Variants in PFDN4 observed in about 807,000 individuals in gnomAD.
PFDN4 encodes the protein prefoldin subunit 4.
PFDN4 carries 6 observed loss-of-function variants against 17.6 expected under a neutral mutation model. That is an observed-to-expected ratio of 0.34 (90% CI 0.19 to 0.67). The LOEUF is 0.67. Ranked by LOEUF, PFDN4 falls within the 30% of genes least tolerant of loss-of-function variation. The probability of loss-of-function intolerance (pLI) is 0.68; values close to 1 mark genes in which losing one functional copy is unlikely to be tolerated. For synonymous variants in PFDN4, 48 were observed against 51.1 expected (o/e 0.94, Z 0.26); for missense variants, 119 against 158.4 (o/e 0.75, Z 1.33).
At chr20:54,218,918 G>C in intron 3 of PFDN4, 101 bp from the exon 4 acceptor site, 1 of 720,418 alleles carries the variant, frequency 1.4e-6, no homozygotes. Context: ...TCCAAGTTTA[G>C]AAGGTTCTTG....
chr20:54,209,456 A>G (rs2092752863), intron 1 of PFDN4, among the ~76,000 whole-genome samples: 1 of 152,210 alleles, frequency 6.6e-6, no homozygotes, highest in African/African-American at 2.4e-5. Flanking sequence ...CAGCCAACTC[A>G]GGATGTGTTG....
intron 3 of PFDN4, among the ~76,000 whole-genome samples, chr20:54,217,092 T>C (rs1409442495): frequency 6.6e-6 from 1 of 151,954 alleles, no homozygotes; most frequent in Admixed American, 6.6e-5. Flanking sequence ...ATGGAGCATA[T>C]AGTCTAGATG....
chr20:54,210,628 C>T (rs1272127255), intron 1 of PFDN4, among the ~76,000 whole-genome samples: 2 of 152,208 alleles, frequency 1.3e-5, no homozygotes, highest in Non-Finnish European at 2.9e-5. Flanking sequence ...GATTTCTGTT[C>T]ATTATCCTAT....
At chr20:54,209,166 CCTT>C (rs1049121962) in intron 1 of PFDN4, among the ~76,000 whole-genome samples, 13 of 152,232 alleles carry the variant, frequency 8.5e-5, no homozygotes, top group Admixed American at 5.9e-4. Flanking sequence ...CTGTTTTTAT[CCTT>C]ATTTAACAAT....
intron 2 of PFDN4, among the ~76,000 whole-genome samples, chr20:54,214,758 C>G (rs113330781): frequency 6.6e-6 from 1 of 152,286 alleles, no homozygotes; most frequent in African/African-American, 2.4e-5. Flanking sequence ...AATGAGGAAG[C>G]CACCCTTGCA....
rs147757924 is a variant in PFDN4 at position 54,214,931 on chromosome 20, G to T, written c.133-369G>T. On this transcript the variant is annotated intron_variant, in intron 2 of 3. Transcript: ENST00000371419. Reference sequence around the variant, plus strand: ...CATGCTGGCAGAACTTTCATTACCCGCATGATTTACTTACACCCTATCAGC... The same window carrying T: ...CATGCTGGCAGAACTTTCATTACCCTCATGATTTACTTACACCCTATCAGC... Among the ~76,000 whole-genome samples the T allele has an allele frequency of 1.5e-3, 234 of 152,296 alleles. No homozygotes were observed. In the East Asian group the frequency reaches 0.025, roughly 16 times the overall value.
Position 54,218,193 on chromosome 20 carries a change from A to T in PFDN4, c.274-826A>T, listed in dbSNP as rs867297026. ...CTTAATGGCTTTTTTTTTTTTTTTT[A>T]AAACAAAGAGTATATGTTAAAATTT... On this transcript the variant is annotated intron_variant, in intron 3 of 3. Coordinates refer to ENST00000371419, the MANE Select transcript of PFDN4 (RefSeq NM_002623.4). Among the ~76,000 whole-genome samples, 176 of 144,320 alleles carry T rather than the reference A, an allele frequency of 1.2e-3. 3 individuals carry two copies. Among genetic ancestry groups the T allele is most frequent in the South Asian group, 0.011 (48 of 4,534 alleles). 94.7% of individuals were successfully genotyped at this position (144,320 alleles called of 152,430 possible).
At chr20:54,213,027 A>G (rs2092758059) in intron 1 of PFDN4, among the ~76,000 whole-genome samples, 1 of 152,246 alleles carries the variant, frequency 6.6e-6, no homozygotes, top group South Asian at 2.1e-4. Context: ...ACTGTGTTAT[A>G]TTCCGACCAC....
intron 1 of PFDN4, among the ~76,000 whole-genome samples, chr20:54,213,305 T>C (rs976307680): frequency 1.6e-4 from 25 of 152,228 alleles, no homozygotes; most frequent in African/African-American, 5.8e-4. Flanking sequence ...TCTGGTTTTA[T>C]GTTTTAGCTT....
chr20:54,211,406 G>T (rs1443658780), intron 1 of PFDN4, among the ~76,000 whole-genome samples: 1 of 152,170 alleles, frequency 6.6e-6, no homozygotes, highest in African/African-American at 2.4e-5. Context: ...TCTAGATCTG[G>T]ATCTGTTCTT....
chr20:54,211,646 CTG>C (rs2092755983), intron 1 of PFDN4, among the ~76,000 whole-genome samples: 1 of 152,170 alleles, frequency 6.6e-6, no homozygotes, highest in South Asian at 2.1e-4. Flanking sequence ...TCCCACCACT[CTG>C]TGTGCTGCCT....
intron 1 of PFDN4, among the ~76,000 whole-genome samples, chr20:54,210,030 T>C (rs1263701297): frequency 6.6e-6 from 1 of 152,220 alleles, no homozygotes; most frequent in African/African-American, 2.4e-5. Flanking sequence ...CAGAGAAGAC[T>C]TTCCTGGGAA....
At position 54,215,480 on chromosome 20, in the gene PFDN4, C is replaced by G. The variant is rs757053112; in HGVS notation, c.273+40C>G. The G allele has an allele frequency of 5.4e-6, 7 of 1,296,836 alleles. No individual in the cohort carries two copies. In the East Asian group the frequency reaches 1.4e-4, roughly 26 times the overall value. 80.3% of individuals were successfully genotyped at this position (1,296,836 alleles called of 1,614,324 possible). A position where few individuals can be genotyped will look rare whatever the true frequency, so the allele number is the denominator to read the frequency against. On this transcript the variant is annotated intron_variant, in intron 3 of 3. Transcript: ENST00000371419. ...AATTCTGAAATTAGAATTTATATCA[C>G]TATAAAGAACATGTAATTATAGATG...
chr20:54,219,000 T>C lies in PFDN4; in HGVS notation c.274-19T>C. 7 of 1,408,574 alleles carry C rather than the reference T, an allele frequency of 5.0e-6. No individual in the cohort carries two copies. The highest frequency in any genetic ancestry group is 5.8e-6 in the Non-Finnish European group (6 of 1,033,934). 87.3% of individuals were successfully genotyped at this position (1,408,574 alleles called of 1,614,324 possible). ...ATCATCCTATTGAATAGAATTAATT[T>C]AAAATATTTTTTTTCCAGAAAAATT... is the stretch of plus-strand genomic sequence containing the variant. On this transcript the variant is annotated intron_variant, in intron 3 of 3. Coordinates refer to ENST00000371419, the MANE Select transcript of PFDN4 (RefSeq NM_002623.4).
intron 3 of PFDN4, among the ~76,000 whole-genome samples, chr20:54,217,670 C>G (rs954915044): frequency 6.6e-6 from 1 of 152,044 alleles, no homozygotes; most frequent in Non-Finnish European, 1.5e-5. Context: ...CAAAGAGGAG[C>G]CTTCAGAGAT....
chr20:54,214,876 T>A (rs1442379460), intron 2 of PFDN4, among the ~76,000 whole-genome samples: 1 of 152,204 alleles, frequency 6.6e-6, no homozygotes. Context: ...ATGCATTTGA[T>A]TGGTGGAATT....
intron 3 of PFDN4, among the ~76,000 whole-genome samples, chr20:54,218,690 A>G (rs1400385205): frequency 1.3e-5 from 2 of 152,244 alleles, no homozygotes; most frequent in East Asian, 1.9e-4. Flanking sequence ...AAGCTGGGTT[A>G]GAAGCCAGCA....
chr20:54,208,461 C>T (rs2092751125), intron 1 of PFDN4: 2 of 321,034 alleles, frequency 6.2e-6, no homozygotes, highest in Non-Finnish European at 1.1e-5. Flanking sequence ...AGCCGAAGGT[C>T]CCGTTGAGTG....
intron 1 of PFDN4, among the ~76,000 whole-genome samples, chr20:54,209,774 C>A (rs531013922): frequency 6.6e-6 from 1 of 151,442 alleles, no homozygotes; most frequent in African/African-American, 2.4e-5. Flanking sequence ...CTTTTTTTTT[C>A]CTTTCATTGA....
Sources: allele counts gnomAD v4.1 joint callset (sites outside exome capture counted in the v4.1 genomes callset), GRCh38; gene constraint gnomAD v4.1.1; transcripts MANE v1.5; gene names NCBI Gene and HGNC (gene_info 2026-07-23, HGNC 2026-07-21).